THBS4: variants seen among roughly 807,000 people sequenced by gnomAD.
THBS4 encodes thrombospondin 4, also known as thrombospondin-4.
A neutral mutation model predicts 115.7 loss-of-function variants in THBS4; 90 were observed. That is an observed-to-expected ratio of 0.78 (90% CI 0.66 to 0.93). The LOEUF is 0.93. THBS4 is among the 40% of genes least tolerant of loss of function. The probability of loss-of-function intolerance (pLI) is 0.00; values close to 1 mark genes in which losing one functional copy is unlikely to be tolerated. For missense variants in THBS4, 1,087 were observed against 1,232.7 expected (o/e 0.88, Z 1.77); for synonymous variants, 460 against 479.3 (o/e 0.96, Z 0.53).
intron 2 of THBS4, among the ~76,000 whole-genome samples, chr5:79,999,431 C>G (rs1267951788): frequency 2.0e-5 from 3 of 152,060 alleles, no homozygotes; most frequent in African/African-American, 7.2e-5. Context: ...CACATGCCTC[C>G]TTTTTTTATG....
chr5:80,060,177 T>C (rs1267127557), intron 7 of THBS4, among the ~76,000 whole-genome samples: 1 of 152,224 alleles, frequency 6.6e-6, no homozygotes, highest in East Asian at 1.9e-4. Context: ...CACGCTGACA[T>C]TTGCATTGGT....
At chr5:80,018,873 T>C (rs541250958) in intron 2 of THBS4, among the ~76,000 whole-genome samples, 1 of 152,316 alleles carries the variant, frequency 6.6e-6, no homozygotes, top group South Asian at 2.1e-4. Context: ...TCTTACTTGG[T>C]GTGCCTTTTG....
In THBS4 at chr5:80,035,643, G is replaced by T; in HGVS notation, c.88+18G>T. The T allele has an allele frequency of 7.6e-7, 1 of 1,319,762 alleles. No individual in the cohort carries two copies. The highest frequency in any genetic ancestry group is 9.7e-7 in the Non-Finnish European group (1 of 1,032,782). 81.8% of individuals were successfully genotyped at this position (1,319,762 alleles called of 1,614,324 possible). A position where few individuals can be genotyped will look rare whatever the true frequency, so the allele number is the denominator to read the frequency against. Reference sequence around the variant, plus strand: ...CCCCCAGGGTAAGTGGGTTCGGGTCGGGCCTGGGAGCGCCGGGCACCGGGT... The same window carrying T: ...CCCCCAGGGTAAGTGGGTTCGGGTCTGGCCTGGGAGCGCCGGGCACCGGGT... On this transcript the variant is annotated intron_variant, in intron 1 of 21. Coordinates refer to ENST00000350881, the MANE Select transcript of THBS4 (RefSeq NM_003248.6). The surrounding 1 kb of genome is among the most constrained non-coding windows in gnomAD (Gnocchi z 4.6).
At chr5:80,051,427 T>C (rs1020892189) in intron 2 of THBS4, among the ~76,000 whole-genome samples, 1 of 152,162 alleles carries the variant, frequency 6.6e-6, no homozygotes, top group Non-Finnish European at 1.5e-5. Flanking sequence ...GGATCAAGTG[T>C]GAAGAATGGG....
At chr5:80,079,410 TTGCCTTCATTCCTGTG>T (rs1045231267) in intron 19 of THBS4, 152 bp downstream of exon 19, 23 of 849,564 alleles carry the variant, frequency 2.7e-5, no homozygotes, top group Non-Finnish European at 3.9e-5. Flanking sequence ...CAGTTGACCC[TTGCCTTCATTCCTGTG>T]TGCCAGCTAC....
At chr5:80,033,799 CT>C (rs933288019), upstream of THBS4, among the ~76,000 whole-genome samples, 1 of 152,190 alleles carries the variant, frequency 6.6e-6, no homozygotes, top group Non-Finnish European at 1.5e-5. Flanking sequence ...CATATTGCTG[CT>C]TTTGATGTTT....
intron 1 of THBS4, among the ~76,000 whole-genome samples, chr5:79,998,094 C>T (rs1831831146): frequency 1.3e-5 from 2 of 152,156 alleles, no homozygotes; most frequent in Admixed American, 6.5e-5. Flanking sequence ...CCCAATCATA[C>T]TGGATTAGGA....
At chr5:80,077,909 C>T in intron 16 of THBS4, 140 bp from the exon 17 acceptor site, 1 of 728,578 alleles carries the variant, frequency 1.4e-6, no homozygotes, top group East Asian at 3.1e-5. Flanking sequence ...CAGGGCTCCT[C>T]TCCCAACACT....
intron 2 of THBS4, among the ~76,000 whole-genome samples, chr5:80,011,228 C>G (rs565939889): frequency 6.6e-6 from 1 of 152,332 alleles, no homozygotes; most frequent in Non-Finnish European, 1.5e-5. Flanking sequence ...GTGAGGCTTC[C>G]CCAGCCACGT....
chr5:80,044,133 T>C (rs1832987326), intron 2 of THBS4, among the ~76,000 whole-genome samples: 1 of 152,208 alleles, frequency 6.6e-6, no homozygotes, highest in African/African-American at 2.4e-5. Flanking sequence ...TAATATGACT[T>C]TGTACCTCTT....
At position 80,065,312 on chromosome 5, in the gene THBS4, T is replaced by G. The variant is rs1050855005; in HGVS notation, c.1126-97T>G. 4.3e-5 allele frequency: 47 copies of G among 1,102,466 alleles called. No homozygotes were observed. In the African/African-American group the frequency reaches 7.1e-4, roughly 17 times the overall value. 68.3% of individuals were successfully genotyped at this position (1,102,466 alleles called of 1,614,324 possible). The stretch of plus-strand genomic sequence containing the variant: ...CCATTCTACCCGAAATTCCGCATCT[T>G]CACTTCACACAAAGATAGCAAAACA... On this transcript the variant is annotated intron_variant, in intron 8 of 21. Transcript: ENST00000350881.
At chr5:80,065,166 A>G (rs1833769556) in intron 8 of THBS4, among the ~76,000 whole-genome samples, 1 of 152,198 alleles carries the variant, frequency 6.6e-6, no homozygotes, top group Non-Finnish European at 1.5e-5. Context: ...GAACAGATGA[A>G]TTATACAAGT....
intron 20 of THBS4, among the ~76,000 whole-genome samples, chr5:80,080,597 T>TTTTTTTTTTTTTTTTTTTTTG (rs1743451819): frequency 7.2e-6 from 1 of 139,790 alleles, no homozygotes. Flanking sequence ...TTTTTTTTTT[T>TTTTTTTTTTTTTTTTTTTTTG]TTTTTTTGGA....
In THBS4 at chr5:80,079,149, G is replaced by A. The variant is rs1368622374; in HGVS notation, c.2402G>A (p.Gly801Asp). 3.1e-6 allele frequency: 5 copies of A among 1,614,022 alleles called. No individual in the cohort carries two copies. The African/African-American group carries it at 4.0e-5, about 13-fold the overall frequency. Residue 801 changes from glycine (G) to aspartate (D), a missense_variant, in exon 19 of 22, where the codon GGC becomes GAC. This residue lies in a region of THBS4 where 979 missense variants were observed against 1,103.7 expected (regional missense o/e 0.89). Transcript: ENST00000350881. ...TDDDYAGFIF[G>D]YQDSSSFYVV... ...GATGACTATGCAGGCTTTATCTTTG[G>A]CTACCAAGATAGCTCCAGCTTCTAC...
intron 3 of THBS4, 50 bp downstream of exon 3, chr5:80,056,082 C>A: frequency 6.5e-7 from 1 of 1,544,252 alleles, no homozygotes; most frequent in Admixed American, 2.0e-5. Context: ...GCTGCCAGTG[C>A]CTAGGGAGTG....
At chr5:80,050,611 G>A (rs769676055) in intron 2 of THBS4, among the ~76,000 whole-genome samples, 1 of 152,210 alleles carries the variant, frequency 6.6e-6, no homozygotes, top group African/African-American at 2.4e-5. Flanking sequence ...CTTGGAGCCA[G>A]AGGCTGCATG....
intron 1 of THBS4, among the ~76,000 whole-genome samples, chr5:80,039,443 C>CA (rs1832823092): frequency 6.6e-6 from 1 of 152,156 alleles, no homozygotes; most frequent in Non-Finnish European, 1.5e-5. Flanking sequence ...AGTCAAGAGA[C>CA]AGAAACCACA....
chr5:80,032,684 G>A (rs1186381846), upstream of THBS4, among the ~76,000 whole-genome samples: 1 of 152,204 alleles, frequency 6.6e-6, no homozygotes, highest in Admixed American at 6.5e-5. Context: ...GAAGCATCCA[G>A]CACAGAAAAA....
At position 80,082,480 on chromosome 5, in the gene THBS4, G is replaced by A. The variant is rs758997836; in HGVS notation, c.2759G>A (p.Arg920Gln). 29 of 1,614,064 alleles carry A rather than the reference G, an allele frequency of 1.8e-5. No individual in the cohort carries two copies. Among genetic ancestry groups the A allele is most frequent in the Non-Finnish European group, 2.5e-5 (29 of 1,180,044 alleles). The part of the protein sequence containing the change: ...VTIDTTMRGG[R>Q]LGVFCFSQEN... ...ATAGACACCACAATGCGTGGAGGCC[G>A]ACTTGGCGTTTTCTGCTTCTCTCAA... The change falls in exon 21 of 22, where the codon CGA becomes CAA. Residue 920 changes from arginine to glutamine, a missense_variant. Coordinates refer to ENST00000350881, the MANE Select transcript of THBS4 (RefSeq NM_003248.6).
Sources: gnomAD v4.1 joint callset for allele counts (sites outside exome capture counted in the v4.1 genomes callset) on GRCh38, gnomAD v4.1.1 for gene constraint, gnomAD v4.1.1 regional missense constraint, Gnocchi (gnomAD v3.1) non-coding constraint, MANE v1.5 for transcripts, NCBI Gene and HGNC (gene_info 2026-07-23, HGNC 2026-07-21) for gene names.